FILIP1L: variants seen among roughly 807,000 people sequenced by gnomAD.
FILIP1L encodes filamin A-interacting protein 1-like.
In FILIP1L, 55 loss-of-function variants were observed where a neutral mutation model predicts 96.6. The ratio of observed to expected loss-of-function variants is 0.57; its 90% CI spans 0.46 to 0.71. The LOEUF (loss-of-function observed/expected upper bound fraction) is 0.71, where lower values mean the gene tolerates loss of function less well. Among genes scored for constraint, FILIP1L ranks in the 30% least tolerant of loss-of-function variants. FILIP1L has a pLI of 0.00. For synonymous variants in FILIP1L, 467 were observed against 473.9 expected (o/e 0.99, Z 0.19); for missense variants, 1,304 against 1,321.2 (o/e 0.99, Z 0.20).
At chr3:99,942,329 C>T (rs1381145002) in intron 1 of FILIP1L, among the ~76,000 whole-genome samples, 2 of 151,992 alleles carry the variant, frequency 1.3e-5, no homozygotes, top group African/African-American at 2.4e-5. Context: ...GACATGTTCT[C>T]CTGGGATTTA....
intron 1 of FILIP1L, among the ~76,000 whole-genome samples, chr3:100,078,997 C>A (rs1285853106): frequency 6.6e-6 from 1 of 152,168 alleles, no homozygotes; most frequent in Non-Finnish European, 1.5e-5. Flanking sequence ...ATGTGGCCCA[C>A]GTTGGACAAG....
intron 1 of FILIP1L, among the ~76,000 whole-genome samples, chr3:100,038,203 G>A (rs1461341347): frequency 2.0e-5 from 3 of 152,082 alleles, no homozygotes; most frequent in Non-Finnish European, 4.4e-5. Flanking sequence ...TGATCCAGCT[G>A]CCCTGGCCTC....
chr3:99,971,104 A>G (rs539180345), intron 1 of FILIP1L, among the ~76,000 whole-genome samples: 7,886 of 152,188 alleles, frequency 0.052, 314 homozygotes, highest in South Asian at 0.15. Context: ...TTGGGAGGCC[A>G]AGGCGGGCGG....
chr3:99,939,022 G>C (rs957547693), intron 1 of FILIP1L, among the ~76,000 whole-genome samples: 1 of 152,106 alleles, frequency 6.6e-6, no homozygotes, highest in Admixed American at 6.5e-5. Context: ...TTTTCTTAGT[G>C]ATATTTTTCC....
At chr3:100,105,799 T>C (rs991211692) in intron 1 of FILIP1L, among the ~76,000 whole-genome samples, 1 of 152,194 alleles carries the variant, frequency 6.6e-6, no homozygotes, top group Admixed American at 6.6e-5. Context: ...CTTCTCCAAA[T>C]AGCATACCTC....
intron 1 of FILIP1L, chr3:100,041,155 T>C (rs2065199036): frequency 6.6e-6 from 1 of 152,172 alleles, no homozygotes; most frequent in African/African-American, 2.4e-5. Flanking sequence ...AAGAAATCAC[T>C]TCCTGACACC....
intron 1 of FILIP1L, among the ~76,000 whole-genome samples, chr3:99,987,315 G>T (rs1046064632): frequency 6.6e-6 from 1 of 151,770 alleles, no homozygotes; most frequent in Non-Finnish European, 1.5e-5. Context: ...GATCATTTGA[G>T]GTCAGGAGTT....
intron 1 of FILIP1L, among the ~76,000 whole-genome samples, chr3:99,962,677 T>G (rs894606523): frequency 6.6e-6 from 1 of 152,200 alleles, no homozygotes; most frequent in African/African-American, 2.4e-5. Flanking sequence ...CTGGTCCTGT[T>G]ACAGTAAGAA....
rs535488721 is a variant in FILIP1L at position 99,860,988 on chromosome 3, A to G, written c.606-9918T>C. ...ACTCAGATGACATCTATCAAGAAGGAGCTTTTAAAAAGTTAATTACTGTGA... is the reference window on the plus strand; with the variant it reads ...ACTCAGATGACATCTATCAAGAAGGGGCTTTTAAAAAGTTAATTACTGTGA... On this transcript the variant is annotated intron_variant, in intron 4 of 5. Coordinates refer to ENST00000477258, the MANE Select transcript of FILIP1L (RefSeq NM_001387850.1). Among the ~76,000 whole-genome samples the G allele has an allele frequency of 8.5e-5, 13 of 152,258 alleles. No homozygotes were observed. The East Asian group carries it at 2.3e-3, about 27-fold the overall frequency.
intron 1 of FILIP1L, among the ~76,000 whole-genome samples, chr3:99,952,571 C>A (rs975858925): frequency 6.6e-6 from 1 of 152,146 alleles, no homozygotes; most frequent in African/African-American, 2.4e-5. Flanking sequence ...TATTAAACTT[C>A]TGGTGCTAGA....
intron 1 of FILIP1L, among the ~76,000 whole-genome samples, chr3:100,053,201 GAC>G (rs557307285): frequency 5.3e-4 from 81 of 152,114 alleles, no homozygotes; most frequent in Non-Finnish European, 9.1e-4. Flanking sequence ...GTCTTGAAAA[GAC>G]ACAGTTTCCT....
At chr3:100,081,529 G>A (rs1227327700) in intron 1 of FILIP1L, among the ~76,000 whole-genome samples, 1 of 152,096 alleles carries the variant, frequency 6.6e-6, no homozygotes, top group African/African-American at 2.4e-5. Flanking sequence ...GATAGCTCAG[G>A]GATTAACGAC....
intron 4 of FILIP1L, among the ~76,000 whole-genome samples, chr3:99,876,453 A>G (rs1159611364): frequency 1.3e-5 from 2 of 152,194 alleles, no homozygotes; most frequent in Non-Finnish European, 2.9e-5. Context: ...GGCAGGGTCG[A>G]TCCGCTTGTA....
At chr3:99,927,693 G>A (rs1707339517) in intron 3 of FILIP1L, among the ~76,000 whole-genome samples, 1 of 151,998 alleles carries the variant, frequency 6.6e-6, no homozygotes, top group South Asian at 2.1e-4. Context: ...TATATTTTTT[G>A]GAAGAACTAA....
At position 99,910,412 on chromosome 3, in the gene FILIP1L, G is replaced by A. The variant is rs536315196; in HGVS notation, c.605+13818C>T. The stretch of plus-strand genomic sequence containing the variant: ...ATGTAACAAAAACAGGGTTCTGTGA[G>A]CTTTTAGAGGTGAAATGTTTCATTT... On this transcript the variant is annotated intron_variant, in intron 4 of 5. Transcript: ENST00000477258. Among the ~76,000 whole-genome samples, 276 of 136,310 alleles carry A rather than the reference G, an allele frequency of 2.0e-3. 51 individuals are homozygous for A. The highest frequency in any genetic ancestry group is 2.6e-3 in the Non-Finnish European group (154 of 59,592). The allele number at this position is 136,310 out of a possible 152,430, so 89.4% of individuals were successfully genotyped here.
chr3:100,054,364 A>G (rs1200171004), intron 1 of FILIP1L, among the ~76,000 whole-genome samples: 1 of 152,140 alleles, frequency 6.6e-6, no homozygotes, highest in African/African-American at 2.4e-5. Flanking sequence ...AGATCTGGAA[A>G]ACCTAGGCCT....
chr3:99,847,869 C>T (rs561368811), intron 5 of FILIP1L: 5 of 867,820 alleles, frequency 5.8e-6, no homozygotes, highest in African/African-American at 5.5e-5. Context: ...AGACAAAATT[C>T]TATTGTACAT....
intron 3 of FILIP1L, among the ~76,000 whole-genome samples, chr3:99,926,873 G>A (rs1428581817): frequency 6.6e-6 from 1 of 152,160 alleles, no homozygotes; most frequent in Non-Finnish European, 1.5e-5. Context: ...AGGAATCCGT[G>A]CCCTTCATTT....
chr3:99,870,482 T>A (rs1409014132), intron 4 of FILIP1L, among the ~76,000 whole-genome samples: 1 of 152,228 alleles, frequency 6.6e-6, no homozygotes, highest in Non-Finnish European at 1.5e-5. Flanking sequence ...AGAGCAGGGA[T>A]GGGACCATAA....
Sources: allele counts gnomAD v4.1 joint callset (sites outside exome capture counted in the v4.1 genomes callset), GRCh38; gene constraint gnomAD v4.1.1; transcripts MANE v1.5; gene names NCBI Gene and HGNC (gene_info 2026-07-23, HGNC 2026-07-21).